The following STPG2 variants were observed in gnomAD, a reference collection of about 807,000 sequenced individuals.
STPG2 encodes the protein sperm tail PG-rich repeat containing 2.
Under a neutral mutation model 54.2 loss-of-function variants are expected in STPG2, and 56 were observed. That is an observed-to-expected ratio of 1.03 (90% CI 0.83 to 1.29). STPG2 has a LOEUF of 1.29. Ranked by LOEUF, STPG2 falls within the 50% of genes most tolerant of loss-of-function variation. The pLI is 0.00. For missense variants in STPG2, 596 were observed against 544.9 expected (o/e 1.09, Z -0.93); for synonymous variants, 200 against 181.8 (o/e 1.10, Z -0.81).
chr4:97,775,988 C>T (rs1009193877), intron 9 of STPG2, among the ~76,000 whole-genome samples: 4 of 152,096 alleles, frequency 2.6e-5, no homozygotes, highest in African/African-American at 9.7e-5. Context: ...TCTCGAACTC[C>T]TGACCTCACA....
chr4:98,125,772 GTAAATA>G (rs1295952336), intron 3 of STPG2, among the ~76,000 whole-genome samples: 1 of 152,210 alleles, frequency 6.6e-6, no homozygotes, highest in Non-Finnish European at 1.5e-5. Context: ...GCAGGAAAGA[GTAAATA>G]CAGTGCACTG....
chr4:97,478,748 TA>T (rs537459006), intron 4 of STPG2, among the ~76,000 whole-genome samples: 2 of 151,670 alleles, frequency 1.3e-5, no homozygotes, highest in South Asian at 4.2e-4. Flanking sequence ...TCAAAATGAC[TA>T]AAAAAAATGA....
intron 8 of STPG2, among the ~76,000 whole-genome samples, chr4:97,899,943 A>G (rs1731110708): frequency 6.6e-6 from 1 of 152,152 alleles, no homozygotes; most frequent in Admixed American, 6.6e-5. Flanking sequence ...ACTGAAAGCA[A>G]TCACAACAAA....
chr4:97,547,476 C>T (rs1731859309), intron 4 of STPG2, among the ~76,000 whole-genome samples: 1 of 152,180 alleles, frequency 6.6e-6, no homozygotes, highest in Non-Finnish European at 1.5e-5. Context: ...TCCCAAAGTG[C>T]TGGGATTACA....
chr4:97,563,041 G>C (rs914615721), intron 10 of STPG2, among the ~76,000 whole-genome samples: 2 of 152,098 alleles, frequency 1.3e-5, no homozygotes, highest in South Asian at 2.1e-4. Flanking sequence ...TTGTACCTCT[G>C]GTAGAATTCG....
chr4:98,109,703 T>G lies in STPG2; in HGVS notation c.388-398A>C, dbSNP rs533863277. Among the ~76,000 whole-genome samples, 7 of 152,200 alleles carry G rather than the reference T, an allele frequency of 4.6e-5. No homozygotes were observed. In the South Asian group the frequency reaches 1.5e-3, roughly 32 times the overall value. On this transcript the variant is annotated intron_variant, in intron 3 of 10. Coordinates refer to ENST00000295268, the MANE Select transcript of STPG2 (RefSeq NM_174952.3). ...TAAAAATTACCTTAACTAAACAGAT[T>G]GAAAAAATGCAAACATCACCAATGG...
intron 10 of STPG2, among the ~76,000 whole-genome samples, chr4:97,678,203 G>GT (rs1322034890): frequency 6.6e-6 from 1 of 151,818 alleles, no homozygotes; most frequent in African/African-American, 2.4e-5. Context: ...CACTTACAGG[G>GT]TTTTTTTCAG....
intron 9 of STPG2, among the ~76,000 whole-genome samples, chr4:97,760,416 T>C (rs765876101): frequency 3.3e-5 from 5 of 152,186 alleles, no homozygotes; most frequent in East Asian, 3.9e-4. Context: ...TCTGGATATA[T>C]ATAATTCTCA....
At chr4:97,843,558 G>A (rs985158351) in intron 8 of STPG2, among the ~76,000 whole-genome samples, 2 of 151,818 alleles carry the variant, frequency 1.3e-5, no homozygotes, top group African/African-American at 2.4e-5. Flanking sequence ...TAGGACTTAC[G>A]AACCCCTCAG....
intron 9 of STPG2, among the ~76,000 whole-genome samples, chr4:97,784,751 A>G (rs1047802406): frequency 1.3e-5 from 2 of 152,028 alleles, no homozygotes; most frequent in Non-Finnish European, 1.5e-5. Flanking sequence ...AATAATATTT[A>G]TATAAGTTTG....
intron 9 of STPG2, among the ~76,000 whole-genome samples, chr4:97,720,015 C>T (rs975745952): frequency 3.9e-5 from 6 of 151,914 alleles, no homozygotes; most frequent in Admixed American, 3.9e-4. Context: ...ATCCTTCACT[C>T]AGTATGAATT....
chr4:98,086,591 A>G (rs2110121584), intron 5 of STPG2, among the ~76,000 whole-genome samples: 2 of 150,320 alleles, frequency 1.3e-5, no homozygotes, highest in South Asian at 4.2e-4. Flanking sequence ...AAATATTTAA[A>G]TAATGATTTG....
At chr4:97,873,275 G>T (rs192064134) in intron 8 of STPG2, among the ~76,000 whole-genome samples, 2 of 145,550 alleles carry the variant, frequency 1.4e-5, no homozygotes, top group Non-Finnish European at 3.0e-5. Flanking sequence ...CTAATAATAA[G>T]AAACAGTTTC....
At chr4:97,755,834 G>T (rs967494290) in intron 9 of STPG2, among the ~76,000 whole-genome samples, 1 of 152,034 alleles carries the variant, frequency 6.6e-6, no homozygotes, top group African/African-American at 2.4e-5. Flanking sequence ...CATGTTCTTT[G>T]GTTTTGAATT....
intron 8 of STPG2, among the ~76,000 whole-genome samples, chr4:97,878,954 G>C (rs971665437): frequency 1.3e-5 from 2 of 152,018 alleles, no homozygotes; most frequent in Non-Finnish European, 2.9e-5. Context: ...TTGCTGCTTA[G>C]AAATTTCTTC....
intron 10 of STPG2, among the ~76,000 whole-genome samples, chr4:97,674,717 T>A (rs1722788864): frequency 6.6e-6 from 1 of 152,198 alleles, no homozygotes; most frequent in African/African-American, 2.4e-5. Flanking sequence ...TTATTGCCAG[T>A]TTTAAAGAGA....
chr4:97,954,004 T>C (rs1359561917), intron 7 of STPG2, among the ~76,000 whole-genome samples: 1 of 152,198 alleles, frequency 6.6e-6, no homozygotes, highest in Non-Finnish European at 1.5e-5. Context: ...ATTACTGTCA[T>C]ATATATGGTA....
chr4:97,448,749 G>A (rs1729290074), intron 4 of STPG2, among the ~76,000 whole-genome samples: 1 of 152,064 alleles, frequency 6.6e-6, no homozygotes, highest in African/African-American at 2.4e-5. Context: ...CCATTTAGTA[G>A]ATTATATTTT....
chr4:97,478,929 T>C (rs9942295), intron 4 of STPG2, among the ~76,000 whole-genome samples: 1 of 148,958 alleles, frequency 6.7e-6, no homozygotes, highest in African/African-American at 2.5e-5. Context: ...GTACTTTATA[T>C]GTGAAAGACC....
Sources: gnomAD v4.1 joint callset for allele counts (sites outside exome capture counted in the v4.1 genomes callset) on GRCh38, gnomAD v4.1.1 for gene constraint, MANE v1.5 for transcripts, NCBI Gene and HGNC (gene_info 2026-07-23, HGNC 2026-07-21) for gene names.